CDK14: variants seen among roughly 807,000 people sequenced by gnomAD.
The protein encoded by CDK14 is cyclin-dependent kinase 14.
Under a neutral mutation model 60.7 loss-of-function variants are expected in CDK14, and 34 were observed. The ratio of observed to expected loss-of-function variants is 0.56; its 90% CI spans 0.43 to 0.75. The LOEUF (loss-of-function observed/expected upper bound fraction) is 0.75, where lower values mean the gene tolerates loss of function less well. CDK14 is among the 30% of genes least tolerant of loss of function. CDK14 has a pLI of 0.00. For synonymous variants in CDK14, 197 were observed against 203.7 expected (o/e 0.97, Z 0.28); for missense variants, 482 against 564.1 (o/e 0.85, Z 1.47).
At chr7:90,712,856 C>A (rs1802114827) in intron 2 of CDK14, among the ~76,000 whole-genome samples, 1 of 152,060 alleles carries the variant, frequency 6.6e-6, no homozygotes, top group Non-Finnish European at 1.5e-5. Context: ...TAAGCAAAGA[C>A]TGATCATGTT....
rs570958921 is a variant in CDK14 at position 90,941,300 on chromosome 7, T to C, written c.827-14397T>C. 1.4e-3 allele frequency among the ~76,000 whole-genome samples: 218 copies of C among 152,308 alleles called. 1 individual carries two copies. The highest frequency in any genetic ancestry group is 4.9e-3 in the African/African-American group (204 of 41,554). On this transcript the variant is annotated intron_variant, in intron 8 of 14. Coordinates refer to ENST00000380050, the MANE Select transcript of CDK14 (RefSeq NM_001287135.2). ...TTCTATCACATGGACCTCCTCACCA[T>C]ACCTGTGACATGCCAGGCCCACCCT...
chr7:90,803,899 A>G (rs563240467), intron 5 of CDK14, among the ~76,000 whole-genome samples: 8 of 152,194 alleles, frequency 5.3e-5, no homozygotes, highest in South Asian at 2.1e-4. Context: ...GCAAAGTCAT[A>G]CAAATAATTA....
intron 5 of CDK14, among the ~76,000 whole-genome samples, chr7:90,818,039 C>A (rs932644053): frequency 5.3e-5 from 8 of 152,166 alleles, no homozygotes; most frequent in African/African-American, 1.9e-4. Flanking sequence ...AGTGCTGCTT[C>A]CCGGAGGCAG....
At chr7:90,781,637 C>A (rs1805325100) in intron 4 of CDK14, among the ~76,000 whole-genome samples, 1 of 151,164 alleles carries the variant, frequency 6.6e-6, no homozygotes, top group Non-Finnish European at 1.5e-5. Context: ...CTACATGTGG[C>A]TAGCCAGTTT....
chr7:90,904,928 T>A (rs2117373132), intron 7 of CDK14, among the ~76,000 whole-genome samples: 1 of 152,286 alleles, frequency 6.6e-6, no homozygotes, highest in African/African-American at 2.4e-5. Context: ...GACACAGAAG[T>A]ATTTTCAGCC....
At chr7:90,802,660 A>T (rs2117009196) in intron 5 of CDK14, among the ~76,000 whole-genome samples, 1 of 152,332 alleles carries the variant, frequency 6.6e-6, no homozygotes, top group South Asian at 2.1e-4. Context: ...TTTCTTAAAG[A>T]GGATGAAAAT....
intron 9 of CDK14, among the ~76,000 whole-genome samples, chr7:90,968,400 T>G (rs536622676): frequency 6.6e-6 from 1 of 152,320 alleles, no homozygotes; most frequent in African/African-American, 2.4e-5. Flanking sequence ...TCATAGTATG[T>G]GACAGTCGCT....
intron 2 of CDK14, among the ~76,000 whole-genome samples, chr7:90,636,478 TGAA>T (rs1403128843): frequency 6.6e-6 from 1 of 152,050 alleles, no homozygotes; most frequent in Non-Finnish European, 1.5e-5. Flanking sequence ...ATCCCAGGGA[TGAA>T]GCCCACTTGA....
At chr7:90,666,004 C>T (rs1800972661) in intron 2 of CDK14, among the ~76,000 whole-genome samples, 1 of 152,192 alleles carries the variant, frequency 6.6e-6, no homozygotes, top group Non-Finnish European at 1.5e-5. Context: ...CCACTGCTCT[C>T]ACATCCAACT....
intron 10 of CDK14, among the ~76,000 whole-genome samples, chr7:91,027,247 G>A (rs1340998663): frequency 1.3e-5 from 2 of 152,150 alleles, no homozygotes; most frequent in Non-Finnish European, 2.9e-5. Flanking sequence ...ATCTAAGCTG[G>A]TGCTGAGGAA....
chr7:90,735,796 G>A (rs925198196), intron 3 of CDK14, among the ~76,000 whole-genome samples: 1 of 152,218 alleles, frequency 6.6e-6, no homozygotes, highest in Non-Finnish European at 1.5e-5. Flanking sequence ...CAGACCACTT[G>A]GCTCCCTGGC....
chr7:90,785,786 C>CA (rs34034860), intron 4 of CDK14, among the ~76,000 whole-genome samples: 15,691 of 45,660 alleles, frequency 0.34, 1,470 homozygotes, highest in Middle Eastern at 0.4. Flanking sequence ...GACTCCGTCT[C>CA]AAAAAAAAAA....
chr7:90,778,114 A>T (rs1390433569), intron 4 of CDK14, among the ~76,000 whole-genome samples: 1 of 152,182 alleles, frequency 6.6e-6, no homozygotes, highest in African/African-American at 2.4e-5. Flanking sequence ...AGATTTTTCT[A>T]CTGAGATCCA....
At chr7:90,739,599 T>C (rs1466324428) in intron 3 of CDK14, among the ~76,000 whole-genome samples, 3 of 152,234 alleles carry the variant, frequency 2.0e-5, no homozygotes, top group African/African-American at 7.2e-5. Flanking sequence ...CTTCCTGTTC[T>C]CTTGCCAAGT....
chr7:91,029,178 A>G (rs1295284270), intron 10 of CDK14, among the ~76,000 whole-genome samples: 1 of 152,150 alleles, frequency 6.6e-6, no homozygotes, highest in East Asian at 1.9e-4. Context: ...TCCTCTGAAT[A>G]TGGCTCTAAA....
At chr7:90,913,054 G>A (rs1401546584) in intron 7 of CDK14, among the ~76,000 whole-genome samples, 1 of 152,128 alleles carries the variant, frequency 6.6e-6, no homozygotes, top group East Asian at 1.9e-4. Flanking sequence ...TTATGCTTTA[G>A]AAAAAGAATG....
rs545272019 is a variant in CDK14 at position 90,664,795 on chromosome 7, G to A, written c.123+60546G>A. On this transcript the variant is annotated intron_variant, in intron 2 of 14. Transcript: ENST00000380050. ...CACACTCTGGGGACTGTTGTGGGGTGGGGGGAAGGGGGAGGGATAGCATTA... is the reference window on the plus strand; with the variant it reads ...CACACTCTGGGGACTGTTGTGGGGTAGGGGGAAGGGGGAGGGATAGCATTA... 8.0e-4 allele frequency among the ~76,000 whole-genome samples: 121 copies of A among 151,588 alleles called. 1 individual carries two copies. The highest frequency in any genetic ancestry group is 2.7e-3 in the African/African-American group (110 of 41,280).
intron 5 of CDK14, among the ~76,000 whole-genome samples, chr7:90,794,997 G>A (rs753385635): frequency 1.3e-5 from 2 of 152,094 alleles, no homozygotes; most frequent in African/African-American, 2.4e-5. Context: ...AGGGTCCCTG[G>A]CTTCCTGCAA....
chr7:90,734,831 C>T (rs961237585), intron 3 of CDK14, among the ~76,000 whole-genome samples: 18 of 152,220 alleles, frequency 1.2e-4, no homozygotes, highest in African/African-American at 4.1e-4. Context: ...CAAACTCATT[C>T]TCCGTCTGGT....
Sources: gnomAD v4.1 joint callset for allele counts (sites outside exome capture counted in the v4.1 genomes callset) on GRCh38, gnomAD v4.1.1 for gene constraint, MANE v1.5 for transcripts, NCBI Gene and HGNC (gene_info 2026-07-23, HGNC 2026-07-21) for gene names.